The following SMG6 variants were observed in gnomAD, a reference collection of about 807,000 sequenced individuals.
SMG6 encodes telomerase-binding protein EST1A.
Under a neutral mutation model 142.2 loss-of-function variants are expected in SMG6, and 66 were observed. That is an observed-to-expected ratio of 0.46 (90% CI 0.38 to 0.57). The LOEUF (loss-of-function observed/expected upper bound fraction) is 0.57, where lower values mean the gene tolerates loss of function less well. Ranked by LOEUF, SMG6 falls within the 20% of genes least tolerant of loss-of-function variation. SMG6 has a pLI of 0.00. For missense variants in SMG6, 1,793 were observed against 1,832.0 expected, an observed-to-expected ratio of 0.98 and a Z score of 0.39; for synonymous variants, 779 against 702.4, an observed-to-expected ratio of 1.11 and a Z score of -1.72.
intron 10 of SMG6, among the ~76,000 whole-genome samples, chr17:2,211,073 A>G (rs2072841068): frequency 1.3e-5 from 2 of 149,548 alleles, no homozygotes; most frequent in Admixed American, 1.3e-4. Flanking sequence ...TCAAATACAT[A>G]GAACTTCCTG....
intron 9 of SMG6, among the ~76,000 whole-genome samples, chr17:2,240,816 G>A (rs530492492): frequency 6.6e-6 from 1 of 152,322 alleles, no homozygotes; most frequent in African/African-American, 2.4e-5. Flanking sequence ...TTCCGAAAGG[G>A]CAGGCGGGAG....
At chr17:2,121,593 G>C (rs1189017596) in intron 13 of SMG6, among the ~76,000 whole-genome samples, 59 of 1,074 alleles carry the variant, frequency 0.055, 1 homozygote, top group African/African-American at 0.1. Flanking sequence ...CTGTCTGTGT[G>C]TGTGTGTGTG....
At position 2,268,639 on chromosome 17, in the gene SMG6, C is replaced by T. The variant is rs1476726259; in HGVS notation, c.2661+14008G>A. 3.9e-5 allele frequency among the ~76,000 whole-genome samples: 6 copies of T among 152,312 alleles called. No individual in the cohort carries two copies. The East Asian group carries it at 5.8e-4, about 15-fold the overall frequency. On this transcript the variant is annotated intron_variant, in intron 8 of 18. Transcript: ENST00000263073. ...AAAAATACAAAAATTAGGCCGGGAG[C>T]GGTGGCTCACGCTTATAATCCCAGC...
At chr17:2,110,284 GA>G (rs1444399774) in intron 13 of SMG6, among the ~76,000 whole-genome samples, 3 of 151,848 alleles carry the variant, frequency 2.0e-5, no homozygotes, top group Non-Finnish European at 4.4e-5. Flanking sequence ...GGCACATGGT[GA>G]AAAAAAGCAA....
chr17:2,285,447 G>C (rs768827242), intron 6 of SMG6, among the ~76,000 whole-genome samples: 7 of 152,170 alleles, frequency 4.6e-5, no homozygotes, highest in Non-Finnish European at 1.0e-4. Context: ...AAGCCATTGA[G>C]GGAATTCAGC....
chr17:2,178,675 G>A (rs1239347740), intron 12 of SMG6, among the ~76,000 whole-genome samples: 3 of 152,100 alleles, frequency 2.0e-5, no homozygotes, highest in Non-Finnish European at 4.4e-5. Flanking sequence ...GTTCGGGGTC[G>A]GCGCCTTATT....
At chr17:2,259,325 C>T (rs964332728) in intron 8 of SMG6, among the ~76,000 whole-genome samples, 1 of 151,946 alleles carries the variant, frequency 6.6e-6, no homozygotes, top group African/African-American at 2.4e-5. Context: ...CAAATAGTAT[C>T]AGTAAGAAGA....
At chr17:2,093,193 CAAA>C (rs530054035) in intron 13 of SMG6, among the ~76,000 whole-genome samples, 7 of 96,906 alleles carry the variant, frequency 7.2e-5, no homozygotes, top group Admixed American at 2.2e-4. Context: ...GACTCTGTTG[CAAA>C]AAAAAAAAAA....
intron 8 of SMG6, among the ~76,000 whole-genome samples, chr17:2,262,021 C>G (rs138291247): frequency 6.6e-6 from 1 of 152,130 alleles, no homozygotes; most frequent in African/African-American, 2.4e-5. Flanking sequence ...ATTTGTGGCA[C>G]AAGTAAACTC....
intron 6 of SMG6, among the ~76,000 whole-genome samples, chr17:2,287,787 A>G (rs985095637): frequency 2.6e-5 from 4 of 152,252 alleles, no homozygotes; most frequent in African/African-American, 9.6e-5. Flanking sequence ...AAGTGAAATA[A>G]GCCAGTCACA....
chr17:2,293,293 AC>A (rs2075079796), intron 4 of SMG6, among the ~76,000 whole-genome samples: 1 of 152,202 alleles, frequency 6.6e-6, no homozygotes, highest in Non-Finnish European at 1.5e-5. Flanking sequence ...ATCTGACTCT[AC>A]GGAATAGTGT....
chr17:2,102,262 C>T lies in SMG6; in HGVS notation c.3358-16361G>A, dbSNP rs569758698. Among the ~76,000 whole-genome samples the T allele has an allele frequency of 2.0e-5, 3 of 152,242 alleles. No individual in the cohort carries two copies. The East Asian group carries it at 5.8e-4, about 29-fold the overall frequency. ...TACAAAGTGATATATTTTATGAATA[C>T]AATGTATAATAATTAAACCCAGCTA... On this transcript the variant is annotated intron_variant, in intron 13 of 18. Coordinates refer to ENST00000263073, the MANE Select transcript of SMG6 (RefSeq NM_017575.5).
intron 6 of SMG6, among the ~76,000 whole-genome samples, chr17:2,286,629 AGAG>A (rs1163825688): frequency 2.6e-5 from 4 of 152,256 alleles, no homozygotes; most frequent in Non-Finnish European, 5.9e-5. Context: ...CCTAAATATA[AGAG>A]GTAAAAGTCT....
intron 6 of SMG6, among the ~76,000 whole-genome samples, chr17:2,285,917 G>A (rs966177134): frequency 6.6e-6 from 1 of 151,854 alleles, no homozygotes; most frequent in Admixed American, 6.6e-5. Context: ...CAAGTGATCC[G>A]CCTGCCTCAG....
intron 13 of SMG6, among the ~76,000 whole-genome samples, chr17:2,125,091 T>C (rs2069828985): frequency 6.6e-6 from 1 of 152,204 alleles, no homozygotes; most frequent in Non-Finnish European, 1.5e-5. Flanking sequence ...AGGAGTTCCA[T>C]TCCTGCCAGA....
In SMG6 at chr17:2,236,623, G is replaced by A. The variant is rs774942185; in HGVS notation, c.2738C>T (p.Pro913Leu). The A allele has an allele frequency of 9.9e-6, 16 of 1,612,468 alleles. No homozygotes were observed. Among genetic ancestry groups the A allele is most frequent in the Non-Finnish European group, 1.3e-5 (15 of 1,179,344 alleles). ...LFTRIGMETF[P>L]AVAEKVLKEF... Reference sequence around the variant, plus strand: ...CTTGAGGACCTTCTCAGCCACTGCAGGGAATGTCTCCATCCTGCAGATTCA... The same window carrying A: ...CTTGAGGACCTTCTCAGCCACTGCAAGGAATGTCTCCATCCTGCAGATTCA... The change falls in exon 10 of 19, where the codon CCT becomes CTT. Residue 913 changes from proline to leucine, a missense_variant. This residue lies in a region of SMG6 where 1,597 missense variants were observed against 1,584.6 expected (regional missense o/e 1.01). Coordinates refer to ENST00000263073, the MANE Select transcript of SMG6 (RefSeq NM_017575.5).
intron 10 of SMG6, among the ~76,000 whole-genome samples, chr17:2,226,686 G>A (rs2073330325): frequency 6.6e-6 from 1 of 152,078 alleles, no homozygotes; most frequent in Admixed American, 6.6e-5. Flanking sequence ...CCTGAGGTCA[G>A]GAGTTTGAGA....
chr17:2,114,296 A>G (rs1041038921), intron 13 of SMG6, among the ~76,000 whole-genome samples: 5 of 152,190 alleles, frequency 3.3e-5, no homozygotes, highest in African/African-American at 1.2e-4. Context: ...TACTCCCCAA[A>G]ATGAAAACAA....
intron 8 of SMG6, among the ~76,000 whole-genome samples, chr17:2,255,109 A>C (rs2074135596): frequency 6.6e-6 from 1 of 152,036 alleles, no homozygotes; most frequent in Non-Finnish European, 1.5e-5. Context: ...TCCTTGTTAA[A>C]GAATGTGATC....
Sources: gnomAD v4.1 joint callset for allele counts (sites outside exome capture counted in the v4.1 genomes callset) on GRCh38, gnomAD v4.1.1 for gene constraint, gnomAD v4.1.1 regional missense constraint, MANE v1.5 for transcripts, NCBI Gene and HGNC (gene_info 2026-07-23, HGNC 2026-07-21) for gene names.